Variants in ZNF831 observed in about 807,000 individuals in gnomAD.
ZNF831 encodes the protein chromosome 20 open reading frame 174.
Under a neutral mutation model 95.8 loss-of-function variants are expected in ZNF831, and 59 were observed. The ratio of observed to expected loss-of-function variants is 0.62; its 90% CI spans 0.50 to 0.77. The LOEUF (loss-of-function observed/expected upper bound fraction) is 0.77, where lower values mean the gene tolerates loss of function less well. ZNF831 is among the 30% of genes least tolerant of loss of function. The pLI, the probability that ZNF831 is intolerant of heterozygous loss-of-function variation, is 0.00. For synonymous variants in ZNF831, 961 were observed against 925.5 expected (o/e 1.04, Z -0.70); for missense variants, 2,205 against 2,164.0 (o/e 1.02, Z -0.38).
At chr20:59,224,846 T>A (rs2146682958) in intron 4 of ZNF831, among the ~76,000 whole-genome samples, 1 of 152,386 alleles carries the variant, frequency 6.6e-6, no homozygotes, top group Non-Finnish European at 1.5e-5. Flanking sequence ...TTATTGATTT[T>A]TAAAAGTCCC....
chr20:59,250,849 C>T (rs564112603), intron 4 of ZNF831, among the ~76,000 whole-genome samples: 1 of 151,954 alleles, frequency 6.6e-6, no homozygotes, highest in Non-Finnish European at 1.5e-5. Flanking sequence ...AGAAACAGAA[C>T]ATCACAGCGA....
chr20:59,222,468 G>A (rs6026764), intron 4 of ZNF831, among the ~76,000 whole-genome samples: 261 of 152,028 alleles, frequency 1.7e-3, no homozygotes, highest in African/African-American at 5.7e-3. Context: ...GAGCAGAGAA[G>A]AAAGGCTCTG....
intron 4 of ZNF831, among the ~76,000 whole-genome samples, chr20:59,234,646 G>C (rs1439466412): frequency 6.6e-6 from 1 of 152,190 alleles, no homozygotes; most frequent in Non-Finnish European, 1.5e-5. Context: ...TCTAGGTTTT[G>C]AGACACTCAA....
At chr20:59,233,006 A>G (rs1358895335) in intron 4 of ZNF831, among the ~76,000 whole-genome samples, 6 of 140,232 alleles carry the variant, frequency 4.3e-5, no homozygotes, top group African/African-American at 1.8e-4. Context: ...ACACACACAC[A>G]CACACACACA....
chr20:59,257,787 A>G lies in ZNF831; in HGVS notation c.*3044A>G, dbSNP rs984648504. 1.3e-5 allele frequency: 2 copies of G among 152,156 alleles called. No individual in the cohort carries two copies. Among genetic ancestry groups the G allele is most frequent in the African/African-American group, 4.8e-5 (2 of 41,428 alleles). The allele number at this position is 152,156 out of a possible 1,614,324, so 9.4% of individuals were successfully genotyped here. On this transcript the variant is annotated 3_prime_UTR_variant, in exon 6 of 6. Transcript: ENST00000371030. ...ACTGATGCCTCAGTTTCTTCCACAG[A>G]GAATAGTTAGAGGGATGCTGTCATG...
Position 59,139,445 on chromosome 20 carries a change from T to G in ZNF831, c.-1424-6786T>G, listed in dbSNP as rs570010734. ...GCCCCCCTAAAGTTTTTAACATGAT[T>G]GCTTTTCTGAAATCAGGATGGCTCT... On this transcript the variant is annotated intron_variant, in intron 1 of 7. Transcript: ENST00000637017. Among the ~76,000 whole-genome samples the G allele has an allele frequency of 3.9e-5, 6 of 152,332 alleles. No homozygotes were observed. In the South Asian group the frequency reaches 1.2e-3, roughly 32 times the overall value.
intron 4 of ZNF831, among the ~76,000 whole-genome samples, chr20:59,248,150 A>G (rs1315401065): frequency 6.6e-6 from 1 of 152,186 alleles, no homozygotes; most frequent in African/African-American, 2.4e-5. Context: ...CTGTGATGAG[A>G]GATGGTCTCT....
chr20:59,178,427 A>G (rs1982340936), intron 1 of ZNF831, among the ~76,000 whole-genome samples: 1 of 152,250 alleles, frequency 6.6e-6, no homozygotes, highest in South Asian at 2.1e-4. Flanking sequence ...GTGATAATTT[A>G]AGTCAGGCCA....
intron 3 of ZNF831, among the ~76,000 whole-genome samples, chr20:59,202,118 C>T (rs1272044543): frequency 6.6e-6 from 1 of 152,114 alleles, no homozygotes; most frequent in Non-Finnish European, 1.5e-5. Flanking sequence ...GATGGTAAAT[C>T]TGGTTACTTT....
intron 4 of ZNF831, among the ~76,000 whole-genome samples, chr20:59,240,596 T>C (rs957921206): frequency 4.6e-5 from 7 of 151,870 alleles, no homozygotes; most frequent in African/African-American, 1.7e-4. Context: ...GGTCAGGAGA[T>C]GGAGACCATC....
At chr20:59,127,620 C>T (rs1488404045) in intron 1 of ZNF831, among the ~76,000 whole-genome samples, 1 of 152,216 alleles carries the variant, frequency 6.6e-6, no homozygotes, top group Non-Finnish European at 1.5e-5. Flanking sequence ...TTGATCTCTA[C>T]TCAAAGGTCT....
chr20:59,159,451 AT>A (rs1980722822), upstream of ZNF831, among the ~76,000 whole-genome samples: 1 of 152,196 alleles, frequency 6.6e-6, no homozygotes, highest in East Asian at 1.9e-4. Flanking sequence ...CATGCCTTAA[AT>A]AAAAACATCG....
chr20:59,231,030 C>T (rs1260799319), intron 4 of ZNF831, among the ~76,000 whole-genome samples: 1 of 152,160 alleles, frequency 6.6e-6, no homozygotes, highest in African/African-American at 2.4e-5. Context: ...TCAAGGATGG[C>T]TGCTCCAGCT....
intron 1 of ZNF831, among the ~76,000 whole-genome samples, chr20:59,129,563 C>T (rs1451687959): frequency 6.6e-6 from 1 of 152,156 alleles, no homozygotes; most frequent in Admixed American, 6.5e-5. Context: ...GCAGAAGTTG[C>T]AGTGAGCCGA....
chr20:59,192,917 A>G lies in ZNF831; in HGVS notation c.1898A>G (p.Gln633Arg). The G allele has an allele frequency of 1.2e-6, 2 of 1,600,110 alleles. 1 individual carries two copies. Reference protein sequence around the residue: ...YGDETFKRIYQKMKASPHGGK... With the variant: ...YGDETFKRIYRKMKASPHGGK... ...GATGAGACGTTCAAAAGGATCTACC[A>G]GAAAATGAAAGCCAGTCCCCATGGA... The change falls in exon 2 of 6, where the codon CAG (glutamine) becomes CGG (arginine). Residue 633 changes from glutamine to arginine, a missense_variant. Transcript: ENST00000371030. This position sits in a 1 kb window ranked among gnomAD's most constrained non-coding sequence, Gnocchi z 5.2.
chr20:59,208,096 T>C lies in ZNF831; in HGVS notation c.4027+1040T>C, dbSNP rs1985030194. Among the ~76,000 whole-genome samples, 1 of 152,236 alleles carries C rather than the reference T, an allele frequency of 6.6e-6. No homozygotes were observed. The highest frequency in any genetic ancestry group is 6.5e-5 in the Admixed American group (1 of 15,288). ...TTCATCTTACAGTTGGGGCCAGTTGTTGAAGAAGAAAGGTTGTTTTTGTTA... is the reference window on the plus strand; with the variant it reads ...TTCATCTTACAGTTGGGGCCAGTTGCTGAAGAAGAAAGGTTGTTTTTGTTA... On this transcript the variant is annotated intron_variant, in intron 4 of 5. Transcript: ENST00000371030. This position sits in a 1 kb window ranked among gnomAD's most constrained non-coding sequence, Gnocchi z 4.2.
chr20:59,191,202 A>G lies in ZNF831; in HGVS notation c.183A>G (p.Pro61=). The G allele has an allele frequency of 6.4e-7, 1 of 1,572,308 alleles. No homozygotes were observed. Among genetic ancestry groups the G allele is most frequent in the Non-Finnish European group, 8.6e-7 (1 of 1,162,324 alleles). The change falls in exon 2 of 6, where the codon CCA becomes CCG. Residue 61 remains proline, a synonymous_variant. Coordinates refer to ENST00000371030, the MANE Select transcript of ZNF831 (RefSeq NM_178457.3). ...TGTTCCTGAAGGCCCTGCCCATCCCACTGTACCACACGGTGCCTCCCGGGG... is the reference window on the plus strand; with the variant it reads ...TGTTCCTGAAGGCCCTGCCCATCCCGCTGTACCACACGGTGCCTCCCGGGG... ...PTVFLKALPI[P]LYHTVPPGGL...
intron 1 of ZNF831, among the ~76,000 whole-genome samples, chr20:59,184,109 G>T (rs1982829576): frequency 6.6e-6 from 1 of 152,160 alleles, no homozygotes; most frequent in African/African-American, 2.4e-5. Context: ...AGGTCATACA[G>T]TTGGAACCAC....
intron 4 of ZNF831, among the ~76,000 whole-genome samples, chr20:59,233,043 C>CACACACAG (rs1308472101): frequency 7.4e-6 from 1 of 134,374 alleles, no homozygotes; most frequent in African/African-American, 2.9e-5. Context: ...CACACACACA[C>CACACACAG]ATAGAGAGAG....
Sources: allele counts gnomAD v4.1 joint callset (sites outside exome capture counted in the v4.1 genomes callset), GRCh38; gene constraint gnomAD v4.1.1; non-coding constraint Gnocchi (gnomAD v3.1); transcripts MANE v1.5; gene names NCBI Gene and HGNC (gene_info 2026-07-23, HGNC 2026-07-21).